Variants in KCNN2 observed in about 807,000 individuals in gnomAD.
KCNN2 encodes the protein potassium calcium-activated channel subfamily N member 2.
In KCNN2, 24 loss-of-function variants were observed where a neutral mutation model predicts 55.5. That is an observed-to-expected ratio of 0.43 (90% CI 0.31 to 0.61). KCNN2 has a LOEUF of 0.61. KCNN2 is among the 20% of genes least tolerant of loss of function. The pLI, the probability that KCNN2 is intolerant of heterozygous loss-of-function variation, is 0.08. For missense variants in KCNN2, 754 were observed against 853.6 expected, an observed-to-expected ratio of 0.88 and a Z score of 1.45; for synonymous variants, 431 against 336.1, an observed-to-expected ratio of 1.28 and a Z score of -3.09.
chr5:114,219,126 C>T (rs960982605), intron 1 of KCNN2, among the ~76,000 whole-genome samples: 2 of 152,188 alleles, frequency 1.3e-5, no homozygotes, highest in African/African-American at 4.8e-5. Context: ...TCTTTGCAGG[C>T]CCTGCAGCAG....
chr5:114,282,748 G>A lies in KCNN2; in HGVS notation c.-185+61183G>A, dbSNP rs11960520. 2.0e-3 allele frequency among the ~76,000 whole-genome samples: 302 copies of A among 152,252 alleles called. 1 individual carries two copies. Among genetic ancestry groups the A allele is most frequent in the African/African-American group, 6.9e-3 (288 of 41,584 alleles). On this transcript the variant is annotated intron_variant, in intron 2 of 10. Coordinates refer to the KCNN2 transcript ENST00000512097. ...TTTCCTGTTCTCTAGAAGGCTTTGT[G>A]TAACATTGGATTTTTAAAAATATCT... is the stretch of plus-strand genomic sequence containing the variant.
At chr5:114,263,558 C>T (rs141389471) in intron 2 of KCNN2, among the ~76,000 whole-genome samples, 19 of 152,102 alleles carry the variant, frequency 1.2e-4, no homozygotes, top group African/African-American at 3.9e-4. Context: ...TCCCTTCACC[C>T]GTTTTGAATC....
intron 3 of KCNN2, among the ~76,000 whole-genome samples, chr5:114,442,247 C>A (rs973612330): frequency 6.7e-6 from 1 of 149,290 alleles, no homozygotes; most frequent in Non-Finnish European, 1.5e-5. Context: ...TATATATATA[C>A]ATATATATAT....
intron 2 of KCNN2, among the ~76,000 whole-genome samples, chr5:114,341,276 G>T (rs74398695): frequency 0.01 from 1,583 of 152,306 alleles, 23 homozygotes; most frequent in African/African-American, 0.036. Context: ...GTGCTGTAAA[G>T]AAGGGAAATT....
intron 2 of KCNN2, among the ~76,000 whole-genome samples, chr5:114,272,340 A>G (rs1755359585): frequency 2.2e-5 from 2 of 89,428 alleles, no homozygotes; most frequent in Non-Finnish European, 2.4e-5. Flanking sequence ...ATATACACAC[A>G]TATATGTATG....
chr5:114,172,369 C>G (rs1046114711), intron 1 of KCNN2, among the ~76,000 whole-genome samples: 1 of 151,682 alleles, frequency 6.6e-6, no homozygotes, highest in Non-Finnish European at 1.5e-5. Flanking sequence ...ACCTGTTAAG[C>G]CAATATCTCC....
chr5:114,109,549 T>C (rs570682230), intron 1 of KCNN2, among the ~76,000 whole-genome samples: 21 of 152,144 alleles, frequency 1.4e-4, no homozygotes, highest in African/African-American at 4.8e-4. Flanking sequence ...GATGCACACT[T>C]TTTTTTGTCT....
chr5:114,241,425 A>T (rs1754617157), intron 2 of KCNN2, among the ~76,000 whole-genome samples: 2 of 151,870 alleles, frequency 1.3e-5, no homozygotes, highest in Admixed American at 6.6e-5. Flanking sequence ...TAATCAAAAC[A>T]TCATTCTGTC....
chr5:114,108,111 A>T (rs1430423643), intron 1 of KCNN2, among the ~76,000 whole-genome samples: 3 of 151,866 alleles, frequency 2.0e-5, no homozygotes, highest in East Asian at 3.9e-4. Flanking sequence ...TCTTTTTTTG[A>T]AAGCCTCTCT....
At chr5:114,313,523 G>A (rs1056045082) in intron 2 of KCNN2, among the ~76,000 whole-genome samples, 2 of 152,070 alleles carry the variant, frequency 1.3e-5, no homozygotes, top group African/African-American at 4.8e-5. Flanking sequence ...GCTGACGTGT[G>A]GACAAAGATG....
chr5:114,316,172 T>C (rs1181366803), intron 2 of KCNN2, among the ~76,000 whole-genome samples: 1 of 152,186 alleles, frequency 6.6e-6, no homozygotes, highest in East Asian at 1.9e-4. Context: ...TGCCAGGAGC[T>C]CTTCTGACTT....
At chr5:114,191,673 A>T (rs1406247123) in intron 1 of KCNN2, among the ~76,000 whole-genome samples, 1 of 152,320 alleles carries the variant, frequency 6.6e-6, no homozygotes, top group East Asian at 1.9e-4. Context: ...AAGGTAAACC[A>T]CACTGGACAT....
intron 2 of KCNN2, among the ~76,000 whole-genome samples, chr5:114,381,336 T>G (rs754412830): frequency 3.3e-5 from 5 of 152,216 alleles, no homozygotes; most frequent in Non-Finnish European, 7.3e-5. Context: ...GGGCATTTGT[T>G]TCTATTTTTT....
intron 4 of KCNN2, among the ~76,000 whole-genome samples, chr5:114,468,078 T>G (rs1244060693): frequency 2.6e-5 from 4 of 152,164 alleles, no homozygotes; most frequent in African/African-American, 9.7e-5. Context: ...CCTCTTTTCT[T>G]ACAATGAGGA....
At chr5:114,087,640 T>G (rs757887763) in intron 1 of KCNN2, among the ~76,000 whole-genome samples, 1 of 152,134 alleles carries the variant, frequency 6.6e-6, no homozygotes, top group African/African-American at 2.4e-5. Context: ...TGTGTTTATA[T>G]CTACCACTTT....
intron 2 of KCNN2, among the ~76,000 whole-genome samples, chr5:114,320,224 T>G (rs72799656): frequency 0.14 from 21,126 of 152,172 alleles, 1,990 homozygotes; most frequent in Non-Finnish European, 0.19. Flanking sequence ...TCCTTGGGTC[T>G]GGATGTTATC....
intron 1 of KCNN2, among the ~76,000 whole-genome samples, chr5:114,178,405 C>T (rs1285298212): frequency 1.3e-5 from 2 of 152,150 alleles, no homozygotes; most frequent in African/African-American, 4.8e-5. Context: ...AATTATATTA[C>T]ATTTCAGGAA....
intron 3 of KCNN2, among the ~76,000 whole-genome samples, chr5:114,429,345 T>C (rs974711273): frequency 1.3e-5 from 2 of 152,158 alleles, no homozygotes; most frequent in Non-Finnish European, 2.9e-5. Context: ...TTGGCTTTTC[T>C]AGTATGTATG....
intron 1 of KCNN2, among the ~76,000 whole-genome samples, chr5:114,153,729 C>T (rs1289879553): frequency 2.0e-5 from 3 of 152,196 alleles, no homozygotes; most frequent in South Asian, 2.1e-4. Context: ...TACAAATATC[C>T]CTGAAAAGAT....
Sources: gnomAD v4.1 joint callset for allele counts (sites outside exome capture counted in the v4.1 genomes callset) on GRCh38, gnomAD v4.1.1 for gene constraint, MANE v1.5 for transcripts, NCBI Gene and HGNC (gene_info 2026-07-23, HGNC 2026-07-21) for gene names.